USP4: variants seen among roughly 807,000 people sequenced by gnomAD.
The protein encoded by USP4 is ubiquitin specific peptidase 4, also known as ubiquitin carboxyl-terminal hydrolase 4.
A neutral mutation model predicts 118.2 loss-of-function variants in USP4; 72 were observed. The ratio of observed to expected loss-of-function variants is 0.61; its 90% CI spans 0.50 to 0.74. The LOEUF (loss-of-function observed/expected upper bound fraction) is 0.74, where lower values mean the gene tolerates loss of function less well. Ranked by LOEUF, USP4 falls within the 30% of genes least tolerant of loss-of-function variation. The pLI is 0.00. For missense variants in USP4, 1,037 were observed against 1,185.7 expected, an observed-to-expected ratio of 0.87 and a Z score of 1.84; for synonymous variants, 415 against 440.4, an observed-to-expected ratio of 0.94 and a Z score of 0.72.
intron 2 of USP4, 71 bp downstream of exon 2, chr3:49,335,398 G>A (rs1422068106): frequency 6.3e-7 from 1 of 1,599,314 alleles, no homozygotes; most frequent in Non-Finnish European, 8.6e-7. Flanking sequence ...CAACGTCCAT[G>A]TTACAGATGC....
At chr3:49,339,232 A>G (rs2047708004) in intron 1 of USP4, among the ~76,000 whole-genome samples, 1 of 152,102 alleles carries the variant, frequency 6.6e-6, no homozygotes, top group Non-Finnish European at 1.5e-5. Context: ...ACACAATTAC[A>G]CCACCCAGGA....
At chr3:49,317,484 T>A in intron 6 of USP4, 1 of 665,240 alleles carries the variant, frequency 1.5e-6, no homozygotes, top group Non-Finnish European at 2.7e-6. Context: ...GCCCCCTATT[T>A]TTTTTTTTGA....
rs1462767433 is a variant in USP4, at chr3:49,278,357, G to C, written c.2828C>G (p.Thr943Arg). The change falls in exon 22 of 22, where the codon ACA (threonine) becomes AGA (arginine). Residue 943 changes from threonine (T) to arginine (R), a missense_variant. This residue lies in a region of USP4 where 522 missense variants were observed against 592.6 expected (regional missense o/e 0.88). Coordinates refer to ENST00000265560, the MANE Select transcript of USP4 (RefSeq NM_003363.4). ...GCCCTGCTGAGAGCTGCTTGGTCGTGTCCCTCCATCAGAGGAACCAGAACT... is the reference window on the plus strand; with the variant it reads ...GCCCTGCTGAGAGCTGCTTGGTCGTCTCCCTCCATCAGAGGAACCAGAACT... ...LSSSGSSDGG[T>R]RPSSSQQGFG... is the part of the protein sequence containing the mutation. 6.2e-7 allele frequency: 1 copy of C among 1,613,960 alleles called. No homozygotes were observed. Among genetic ancestry groups the C allele is most frequent in the Non-Finnish European group, 8.5e-7 (1 of 1,180,032 alleles).
In USP4 at chr3:49,300,608, A is replaced by G; in HGVS notation, c.1371T>C (p.Ser457=). 1 of 1,614,260 alleles carries G rather than the reference A, an allele frequency of 6.2e-7. No homozygotes were observed. Among genetic ancestry groups the G allele is most frequent in the Non-Finnish European group, 8.5e-7 (1 of 1,180,034 alleles). ...TAGCACATTCTGGGCAAACCAAAGTAGATTTGAAGAGGCCATGGAAAGTAT... is the reference window on the plus strand; with the variant it reads ...TAGCACATTCTGGGCAAACCAAAGTGGATTTGAAGAGGCCATGGAAAGTAT... ...IVDTFHGLFK[S]TLVCPECAKV... The change falls in exon 11 of 22, where the codon TCT becomes TCC. Residue 457 remains serine, a synonymous_variant. Transcript: ENST00000265560.
intron 11 of USP4, 113 bp from the exon 12 acceptor site, chr3:49,298,748 G>T (rs889463544): frequency 3.3e-6 from 3 of 908,276 alleles, no homozygotes; most frequent in Non-Finnish European, 5.5e-6. Flanking sequence ...ACAATGTATG[G>T]TGAGGTCAGG....
At position 49,339,962 on chromosome 3, in the gene USP4, T is replaced by C. The variant is rs2047721365; in HGVS notation, c.63A>G (p.Gly21=). The C allele has an allele frequency of 1.9e-6, 3 of 1,612,512 alleles. No homozygotes were observed. The highest frequency in any genetic ancestry group is 2.5e-6 in the Non-Finnish European group (3 of 1,179,790). Residue 21 remains glycine (G), a synonymous_variant, in exon 1 of 22, where the codon GGA becomes GGG. Coordinates refer to ENST00000265560, the MANE Select transcript of USP4 (RefSeq NM_003363.4). ...GTTGGAGTGTGGTCCTCATTAAGGG[T>C]CCAAGCTCGGACTTCTGAGTCTCCG... ...PDAETQKSEL[G]PLMRTTLQRG...
At chr3:49,326,791 T>C (rs1176405779) in intron 3 of USP4, among the ~76,000 whole-genome samples, 1 of 150,536 alleles carries the variant, frequency 6.6e-6, no homozygotes, top group Non-Finnish European at 1.5e-5. Flanking sequence ...AACCTCCGTC[T>C]CCTGGGTTCA....
At chr3:49,327,227 C>A (rs559165840) in intron 3 of USP4, among the ~76,000 whole-genome samples, 51 of 152,216 alleles carry the variant, frequency 3.4e-4, no homozygotes, top group Middle Eastern at 3.4e-3. Context: ...TCACTCACAA[C>A]CACAATTTCC....
chr3:49,317,256 TGCCAGGTTCTCGTTGACGCGG>T, intron 6 of USP4: 8 of 1,540,438 alleles, frequency 5.2e-6, no homozygotes, highest in East Asian at 4.5e-5. Context: ...CAATCTTGCG[TGCCAGGTTCTCGTTGACGCGG>T]GCCAGCTTCT....
chr3:49,330,113 G>A (rs2047598722), intron 2 of USP4, among the ~76,000 whole-genome samples: 1 of 152,002 alleles, frequency 6.6e-6, no homozygotes, highest in Admixed American at 6.6e-5. Context: ...AGAGGTTGCA[G>A]GGAGCCAAGA....
Position 49,305,725 on chromosome 3 carries a change from C to T in USP4, c.1118G>A (p.Arg373His), listed in dbSNP as rs777712863. The change falls in exon 9 of 22, where the codon CGC becomes CAC. Residue 373 changes from arginine to histidine, a missense_variant. By Grantham distance (29) the Arg-to-His change is conservative. Around this residue, in one of 3 missense-constraint regions of USP4, gnomAD observed 487 missense variants for 534.1 expected, o/e 0.91. Transcript: ENST00000265560. Reference sequence around the variant, plus strand: ...TATATGTCTACCTACTTTGAACATGCGAGGTGCCACATGGGCGTCCCTTCC... The same window carrying T: ...TATATGTCTACCTACTTTGAACATGTGAGGTGCCACATGGGCGTCCCTTCC... ...WSGRDAHVAP[R>H]MFKTQVGRFA... 5.6e-6 allele frequency: 9 copies of T among 1,606,252 alleles called. No homozygotes were observed. The highest frequency in any genetic ancestry group is 2.2e-5 in the South Asian group (2 of 89,726).
At position 49,295,064 on chromosome 3, in the gene USP4, C is replaced by T. The variant is rs188303825; in HGVS notation, c.1692-466G>A. ...CAGCACTTTGGGAGGCCAAGGCGGG[C>T]GGATCACGAGGTCAGGAGATTGAGA... On this transcript the variant is annotated intron_variant, in intron 13 of 21. Coordinates refer to ENST00000265560, the MANE Select transcript of USP4 (RefSeq NM_003363.4). Among the ~76,000 whole-genome samples, 47 of 152,114 alleles carry T rather than the reference C, an allele frequency of 3.1e-4. No homozygotes were observed. The East Asian group carries it at 6.6e-3, about 21-fold the overall frequency.
At chr3:49,308,675 C>T (rs74499271) in intron 8 of USP4, among the ~76,000 whole-genome samples, 1 of 151,760 alleles carries the variant, frequency 6.6e-6, no homozygotes, top group African/African-American at 2.4e-5. Flanking sequence ...CTGAAGCTCA[C>T]GTGAGCTTCC....
intron 8 of USP4, among the ~76,000 whole-genome samples, chr3:49,307,176 G>A (rs901891492): frequency 6.6e-6 from 1 of 152,102 alleles, no homozygotes. Flanking sequence ...GGCCAGGTGT[G>A]GTAGTTCATA....
At chr3:49,306,045 G>C (rs73830705) in intron 8 of USP4, among the ~76,000 whole-genome samples, 157 bp from the exon 9 acceptor site, 1 of 151,990 alleles carries the variant, frequency 6.6e-6, no homozygotes. Context: ...ACAGCCTCAA[G>C]GAGGCCAAGC....
At position 49,284,517 on chromosome 3, in the gene USP4, T is replaced by C. The variant is rs2047073593; in HGVS notation, c.2339A>G (p.Asp780Gly). The C allele has an allele frequency of 3.1e-6, 5 of 1,613,906 alleles. No individual in the cohort carries two copies. Among genetic ancestry groups the C allele is most frequent in the Non-Finnish European group, 4.2e-6 (5 of 1,180,016 alleles). Reference sequence around the variant, plus strand: ...CATGGTGGTGAAGAGCTCGATGCAGTCTCTCAGGGCCACTGTGGTCTTCTT... The same window carrying C: ...CATGGTGGTGAAGAGCTCGATGCAGCCTCTCAGGGCCACTGTGGTCTTCTT... ...KKKKTTVALR[D>G]CIELFTTMET... Residue 780 changes from aspartate (D) to glycine (G), a missense_variant, in exon 18 of 22, where the codon GAC becomes GGC. Physicochemically the swap from Asp to Gly is moderately conservative, Grantham distance 94. Coordinates refer to ENST00000265560, the MANE Select transcript of USP4 (RefSeq NM_003363.4).
At chr3:49,302,622 G>T (rs1327856275) in intron 9 of USP4, 80 bp from the exon 10 acceptor site, 13 of 1,413,900 alleles carry the variant, frequency 9.2e-6, no homozygotes, top group Non-Finnish European at 1.2e-5. Flanking sequence ...ATCAAAAATA[G>T]CTCTGAGGAG....
chr3:49,333,401 A>G (rs2047639639), intron 2 of USP4, among the ~76,000 whole-genome samples: 1 of 152,108 alleles, frequency 6.6e-6, no homozygotes, highest in Admixed American at 6.6e-5. Flanking sequence ...GGAGGTTTAC[A>G]TTTACATTCA....
intron 8 of USP4, 89 bp from the exon 9 acceptor site, chr3:49,305,977 A>C: frequency 7.7e-7 from 1 of 1,300,754 alleles, no homozygotes. Context: ...TCACTGAGGG[A>C]CAACGCCAAC....
Sources: allele counts gnomAD v4.1 joint callset (sites outside exome capture counted in the v4.1 genomes callset), GRCh38; gene constraint gnomAD v4.1.1; regional missense constraint gnomAD v4.1.1; transcripts MANE v1.5; gene names NCBI Gene and HGNC (gene_info 2026-07-23, HGNC 2026-07-21).